ELOVL7: variants seen among roughly 807,000 people sequenced by gnomAD.
The protein encoded by ELOVL7 is ELOVL fatty acid elongase 7, also known as very long chain fatty acid elongase 7.
Under a neutral mutation model 35.7 loss-of-function variants are expected in ELOVL7, and 27 were observed. That is an observed-to-expected ratio of 0.76 (90% CI 0.56 to 1.04). ELOVL7 has a LOEUF of 1.04. ELOVL7 is among the 50% of genes least tolerant of loss of function. ELOVL7 has a pLI of 0.00. For synonymous variants in ELOVL7, 113 were observed against 114.6 expected, an observed-to-expected ratio of 0.99 and a Z score of 0.09; for missense variants, 327 against 340.8, an observed-to-expected ratio of 0.96 and a Z score of 0.32.
intron 1 of ELOVL7, among the ~76,000 whole-genome samples, chr5:60,839,503 A>G (rs1171254884): frequency 3.3e-5 from 5 of 152,218 alleles, no homozygotes; most frequent in Non-Finnish European, 7.3e-5. Context: ...AAAATGCCCA[A>G]CTGGTATTAG....
At chr5:60,785,635 T>G (rs1167890741) in intron 3 of ELOVL7, among the ~76,000 whole-genome samples, 1 of 152,302 alleles carries the variant, frequency 6.6e-6, no homozygotes, top group East Asian at 1.9e-4. Flanking sequence ...ATGAAAATAT[T>G]AGTATTTAAA....
At chr5:60,800,385 A>T (rs932107365) in intron 1 of ELOVL7, among the ~76,000 whole-genome samples, 2 of 152,230 alleles carry the variant, frequency 1.3e-5, no homozygotes, top group African/African-American at 4.8e-5. Flanking sequence ...CCAAAACCAC[A>T]TAATCATTCC....
intron 2 of ELOVL7, among the ~76,000 whole-genome samples, chr5:60,791,777 C>T (rs1298428589): frequency 6.6e-6 from 1 of 152,168 alleles, no homozygotes; most frequent in Non-Finnish European, 1.5e-5. Context: ...CAGCCCTTGA[C>T]CCATTATTCT....
At chr5:60,770,977 G>A (rs1232325880) in intron 4 of ELOVL7, among the ~76,000 whole-genome samples, 1 of 152,220 alleles carries the variant, frequency 6.6e-6, no homozygotes, top group Admixed American at 6.5e-5. Context: ...TGGGATTACA[G>A]GTGTAGGCCA....
chr5:60,775,128 T>C (rs1015674615), intron 3 of ELOVL7, among the ~76,000 whole-genome samples: 27 of 152,228 alleles, frequency 1.8e-4, no homozygotes, highest in Non-Finnish European at 3.4e-4. Context: ...TGTATGAAAA[T>C]CAGTAGCATT....
rs748301033 is a variant in ELOVL7, at chr5:60,767,863, C to T, written c.296G>A (p.Cys99Tyr). ...SGWGIGYSFR[C>Y]DIVDYSRSPT... ...TGACCGTGAATAGTCAACAATGTCA[C>T]ATCGAAATGAATAACCTATACCCCA... is the stretch of plus-strand genomic sequence containing the variant. Residue 99 changes from cysteine to tyrosine, a missense_variant, in exon 5 of 9, where the codon TGT becomes TAT. Transcript: ENST00000508821. 1 of 1,613,948 alleles carries T rather than the reference C, an allele frequency of 6.2e-7. No homozygotes were observed. The highest frequency in any genetic ancestry group is 1.1e-5 in the South Asian group (1 of 91,078).
At chr5:60,837,668 G>T (rs1024440178) in intron 1 of ELOVL7, among the ~76,000 whole-genome samples, 1 of 152,088 alleles carries the variant, frequency 6.6e-6, no homozygotes, top group African/African-American at 2.4e-5. Context: ...TAGGCTGGGC[G>T]CAGTGGCTCA....
In ELOVL7 at chr5:60,751,945, T is replaced by A. The variant is rs79322535; in HGVS notation, c.*2679A>T. On this transcript the variant is annotated 3_prime_UTR_variant, in exon 9 of 9. Transcript: ENST00000508821. ...GTAATTTTATACTTAAGGCTGTAAA[T>A]GGCAAAGTCCCATAGATATTTAAAA... 2.6e-5 allele frequency: 4 copies of A among 152,166 alleles called. No individual in the cohort carries two copies. The highest frequency in any genetic ancestry group is 6.5e-5 in the Admixed American group (1 of 15,272). The allele number at this position is 152,166 out of a possible 1,614,324, so 9.4% of individuals were successfully genotyped here. A position where few individuals can be genotyped will look rare whatever the true frequency, so the allele number is the denominator to read the frequency against.
intron 3 of ELOVL7, among the ~76,000 whole-genome samples, chr5:60,779,906 T>C (rs967263789): frequency 5.9e-5 from 9 of 152,122 alleles, no homozygotes; most frequent in African/African-American, 2.2e-4. Context: ...CTAAATTATC[T>C]CTCTCAAGTT....
intron 7 of ELOVL7, among the ~76,000 whole-genome samples, chr5:60,759,440 A>C (rs565955667): frequency 4.9e-4 from 75 of 152,278 alleles, no homozygotes; most frequent in African/African-American, 1.8e-3. Context: ...CTGATAGTTG[A>C]GGAGTCAAGG....
intron 7 of ELOVL7, among the ~76,000 whole-genome samples, chr5:60,760,387 T>C (rs367980940): frequency 4.6e-5 from 7 of 152,186 alleles, no homozygotes; most frequent in African/African-American, 1.4e-4. Flanking sequence ...CTCTGATGGC[T>C]AGTGATGGTG....
intron 5 of ELOVL7, among the ~76,000 whole-genome samples, chr5:60,767,251 T>C (rs749270776): frequency 1.5e-4 from 23 of 152,210 alleles, no homozygotes; most frequent in Middle Eastern, 3.4e-3. Flanking sequence ...CATGCTGCCA[T>C]GCCCTGCTAA....
intron 3 of ELOVL7, among the ~76,000 whole-genome samples, chr5:60,784,783 G>A (rs767856938): frequency 1.3e-5 from 2 of 152,152 alleles, no homozygotes; most frequent in Admixed American, 6.5e-5. Context: ...TGTTATGCCT[G>A]ACAGCGTTTT....
intron 1 of ELOVL7, among the ~76,000 whole-genome samples, chr5:60,806,036 C>T (rs1436986021): frequency 1.3e-5 from 2 of 152,150 alleles, no homozygotes; most frequent in African/African-American, 4.8e-5. Context: ...CAGAAGTCAT[C>T]AAATTATAAT....
chr5:60,785,670 C>T (rs1189447231), intron 3 of ELOVL7, among the ~76,000 whole-genome samples: 1 of 152,156 alleles, frequency 6.6e-6, no homozygotes, highest in Non-Finnish European at 1.5e-5. Context: ...ATGAGAACTA[C>T]TGTAAACCTT....
chr5:60,798,908 T>C (rs962706672), intron 2 of ELOVL7, among the ~76,000 whole-genome samples: 3 of 152,204 alleles, frequency 2.0e-5, no homozygotes, highest in African/African-American at 7.2e-5. Context: ...AAATACACAT[T>C]CTTCTTAAGT....
intron 3 of ELOVL7, 132 bp from the exon 4 acceptor site, chr5:60,772,225 C>A: frequency 3.4e-6 from 2 of 593,138 alleles, no homozygotes; most frequent in Non-Finnish European, 5.9e-6. Context: ...TCACTAGTAT[C>A]TTTAGAAAGG....
At chr5:60,824,717 G>A (rs1263648785) in intron 1 of ELOVL7, among the ~76,000 whole-genome samples, 2 of 152,166 alleles carry the variant, frequency 1.3e-5, no homozygotes, top group Non-Finnish European at 2.9e-5. Context: ...GTCTTATCCG[G>A]ATTGCTGCAG....
chr5:60,784,295 ATCTTCTT>A, intron 3 of ELOVL7: 2 of 471,038 alleles, frequency 4.2e-6, no homozygotes, highest in South Asian at 5.6e-5. Context: ...CTCATACTCC[ATCTTCTT>A]GCAAAAAAAG....
Sources: gnomAD v4.1 joint callset for allele counts (sites outside exome capture counted in the v4.1 genomes callset) on GRCh38, gnomAD v4.1.1 for gene constraint, MANE v1.5 for transcripts, NCBI Gene and HGNC (gene_info 2026-07-23, HGNC 2026-07-21) for gene names.